Variants in PCDH11X observed in about 807,000 individuals in gnomAD.
The protein encoded by PCDH11X is protocadherin-11 X-linked.
Under a neutral mutation model 53.3 loss-of-function variants are expected in PCDH11X, and 18 were observed. The ratio of observed to expected loss-of-function variants is 0.34; its 90% CI spans 0.23 to 0.50. The LOEUF (loss-of-function observed/expected upper bound fraction) is 0.50. Ranked by LOEUF, PCDH11X falls within the 20% of genes least tolerant of loss-of-function variation. The pLI, the probability that PCDH11X is intolerant of heterozygous loss-of-function variation, is 0.98. For synonymous variants in PCDH11X, 279 were observed against 393.3 expected (o/e 0.71, Z 3.44); for missense variants, 570 against 1,032.4 (o/e 0.55, Z 6.14).
intron 4 of PCDH11X, among the ~76,000 whole-genome samples, chrX:91,826,129 G>T (rs1018799667): frequency 1.4e-4 from 16 of 111,528 alleles, no homozygotes; most frequent in Non-Finnish European, 2.8e-4. Context: ...TATATTTGGA[G>T]TTAAAATGTA....
intron 10 of PCDH11X, among the ~76,000 whole-genome samples, chrX:92,494,164 T>C (rs949932846): frequency 1.1e-4 from 12 of 110,641 alleles, no homozygotes; most frequent in Non-Finnish European, 2.1e-4. Flanking sequence ...CAAACGCAAT[T>C]CAAAAATTTC....
chrX:92,392,996 A>G (rs1373161593), intron 9 of PCDH11X, among the ~76,000 whole-genome samples: 1 of 110,848 alleles, frequency 9.0e-6, no homozygotes, highest in Non-Finnish European at 1.9e-5. Context: ...TGTTACCCGT[A>G]TAACTGTTAA....
intron 6 of PCDH11X, among the ~76,000 whole-genome samples, chrX:92,139,607 T>C (rs1426936923): frequency 9.0e-6 from 1 of 110,768 alleles, no homozygotes; most frequent in Non-Finnish European, 1.9e-5. Context: ...GTAAATGTAC[T>C]TCACTCAAAT....
intron 10 of PCDH11X, among the ~76,000 whole-genome samples, chrX:92,519,595 TATC>T (rs1366815111): frequency 6.3e-5 from 7 of 110,814 alleles, no homozygotes; most frequent in African/African-American, 2.0e-4. Context: ...AAAACAGAAA[TATC>T]ATAGTGACGT....
In PCDH11X at chrX:92,342,471, A is replaced by T. The variant is rs2069787293; in HGVS notation, c.3145-45264A>T. On this transcript the variant is annotated intron_variant, in intron 8 of 10. Coordinates refer to ENST00000682573, the MANE Select transcript of PCDH11X (RefSeq NM_032968.5). The stretch of plus-strand genomic sequence containing the variant: ...CAACCGAGATGCCCATAAACAGTGG[A>T]TTGGTTAAAGAAAATGTGGTACATA... Among the ~76,000 whole-genome samples, 4 of 111,788 alleles carry T rather than the reference A, an allele frequency of 3.6e-5. No homozygotes were observed. In the South Asian group the frequency reaches 1.5e-3, roughly 42 times the overall value.
chrX:92,230,422 TATATAAATATATA>T (rs2067045371), intron 7 of PCDH11X, among the ~76,000 whole-genome samples: 1 of 59,731 alleles, frequency 1.7e-5, no homozygotes, highest in South Asian at 1.0e-3. Context: ...ATATATATAA[TATATAAATATATA>T]TTATATATTT....
intron 6 of PCDH11X, among the ~76,000 whole-genome samples, chrX:91,972,427 T>G (rs370929463): frequency 8.4e-4 from 83 of 98,271 alleles, no homozygotes; most frequent in African/African-American, 3.0e-3. Flanking sequence ...TAGTTTCTTT[T>G]GCTGTGCAGA....
At chrX:92,420,587 G>A in intron 9 of PCDH11X, 1 of 308,571 alleles carries the variant, frequency 3.2e-6, no homozygotes, top group Non-Finnish European at 6.2e-6. Context: ...TACATTAGCA[G>A]TTAGTTGCTT....
intron 7 of PCDH11X, among the ~76,000 whole-genome samples, chrX:92,214,062 T>C (rs1394155673): frequency 9.0e-6 from 1 of 111,670 alleles, no homozygotes; most frequent in Non-Finnish European, 1.9e-5. Context: ...TTGATAACAC[T>C]GAAACCAAGC....
intron 8 of PCDH11X, among the ~76,000 whole-genome samples, chrX:92,376,219 C>G (rs922076953): frequency 1.3e-4 from 15 of 111,518 alleles, no homozygotes; most frequent in Admixed American, 6.7e-4. Context: ...AAATCAATTG[C>G]GGGGTGAGCA....
intron 9 of PCDH11X, among the ~76,000 whole-genome samples, chrX:92,398,531 T>C (rs2148585751): frequency 8.9e-6 from 1 of 112,301 alleles, no homozygotes; most frequent in East Asian, 2.8e-4. Context: ...CAGAGAATTT[T>C]AATACCCATA....
chrX:92,049,006 T>C (rs1201270612), intron 6 of PCDH11X, among the ~76,000 whole-genome samples: 1 of 111,927 alleles, frequency 8.9e-6, no homozygotes, highest in Non-Finnish European at 1.9e-5. Flanking sequence ...TCTGAAGACC[T>C]GGGATCAATA....
intron 6 of PCDH11X, among the ~76,000 whole-genome samples, chrX:92,177,632 CAT>C (rs1023984205): frequency 1.8e-5 from 2 of 111,564 alleles, no homozygotes; most frequent in Non-Finnish European, 3.8e-5. Context: ...AGTACTGAAA[CAT>C]GTGCAAACCT....
chrX:92,140,850 A>G (rs2065166891), intron 6 of PCDH11X, among the ~76,000 whole-genome samples: 2 of 111,391 alleles, frequency 1.8e-5, no homozygotes, highest in Non-Finnish European at 3.8e-5. Context: ...TCTAAGAGGT[A>G]CCTGAGAGAA....
At position 92,398,486 on chromosome X, in the gene PCDH11X, C is replaced by A. The variant is rs184369965; in HGVS notation, c.3343+10553C>A. Among the ~76,000 whole-genome samples, 551 of 111,909 alleles carry A rather than the reference C, an allele frequency of 4.9e-3. 1 individual carries two copies. Among genetic ancestry groups the A allele is most frequent in the Non-Finnish European group, 7.5e-3 (399 of 53,205 alleles). ...CTTGTTTTCAAAAGACCATGAATTT[C>A]TTTGTCTGCTCCCAGAAAGATTTTT... On this transcript the variant is annotated intron_variant, in intron 9 of 10. Coordinates refer to ENST00000682573, the MANE Select transcript of PCDH11X (RefSeq NM_032968.5).
At chrX:91,855,886 A>G (rs1938302959) in intron 5 of PCDH11X, among the ~76,000 whole-genome samples, 2 of 111,791 alleles carry the variant, frequency 1.8e-5, no homozygotes, top group Admixed American at 9.6e-5. Context: ...TATCATTTCT[A>G]ATAGTTTTCT....
intron 10 of PCDH11X, among the ~76,000 whole-genome samples, chrX:92,550,017 C>T (rs994745342): frequency 9.1e-6 from 1 of 110,468 alleles, no homozygotes; most frequent in African/African-American, 3.3e-5. Context: ...AGTAATCCTA[C>T]AGTGCTATAG....
chrX:92,306,970 A>G (rs2068846143), intron 8 of PCDH11X, among the ~76,000 whole-genome samples: 1 of 109,695 alleles, frequency 9.1e-6, no homozygotes, highest in Non-Finnish European at 1.9e-5. Context: ...GGAACAAAAA[A>G]TAAAAAACTC....
chrX:92,466,144 A>G (rs973458921), intron 9 of PCDH11X, among the ~76,000 whole-genome samples: 1 of 111,258 alleles, frequency 9.0e-6, no homozygotes, highest in Non-Finnish European at 1.9e-5. Context: ...TAAGTTACAC[A>G]TTAGTCATAT....
Sources: allele counts gnomAD v4.1 joint callset (sites outside exome capture counted in the v4.1 genomes callset), GRCh38; gene constraint gnomAD v4.1.1; transcripts MANE v1.5; gene names NCBI Gene and HGNC (gene_info 2026-07-23, HGNC 2026-07-21).